The following SEC23A variants were observed in gnomAD, a reference collection of about 807,000 sequenced individuals.
SEC23A encodes protein transport protein Sec23A.
In SEC23A, 56 loss-of-function variants were observed where a neutral mutation model predicts 103.7. The ratio of observed to expected loss-of-function variants is 0.54; its 90% CI spans 0.44 to 0.67. The LOEUF (loss-of-function observed/expected upper bound fraction) is 0.67. Ranked by LOEUF, SEC23A falls within the 30% of genes least tolerant of loss-of-function variation. The pLI is 0.00. For synonymous variants in SEC23A, 281 were observed against 293.0 expected (o/e 0.96, Z 0.42); for missense variants, 784 against 936.4 (o/e 0.84, Z 2.12).
chr14:39,096,111 G>T lies in SEC23A; in HGVS notation c.8C>A (p.Thr3Asn), dbSNP rs774320399. The T allele has an allele frequency of 6.2e-7, 1 of 1,609,400 alleles. No homozygotes were observed. Among genetic ancestry groups the T allele is most frequent in the Non-Finnish European group, 8.5e-7 (1 of 1,175,800 alleles). Residue 3 changes from threonine to asparagine, a missense_variant, in exon 2 of 20, where the codon ACC becomes AAC. This residue lies in a region of SEC23A where 683 missense variants were observed against 774.2 expected (regional missense o/e 0.88). Transcript: ENST00000307712. MT[T>N]YLEFIQQNEE... ...ATTTTGTTGAATGAATTCCAAATAG[G>T]TTGTCATTGTGGAGTTTGATTCTTA...
chr14:39,064,772 GTCTC>G, intron 11 of SEC23A, 137 bp downstream of exon 11: 1 of 722,676 alleles, frequency 1.4e-6, no homozygotes, highest in Non-Finnish European at 2.5e-6. Context: ...GGGGAACAGG[GTCTC>G]TCTATGTTGC....
rs528437400 is a variant in SEC23A, at chr14:39,048,133, T to C, written c.1737+519A>G. On this transcript the variant is annotated intron_variant, in intron 15 of 19. Coordinates refer to ENST00000307712, the MANE Select transcript of SEC23A (RefSeq NM_006364.4). ...TGCAGGGTTCCAGAATAAGTCTCTA[T>C]TCACCACAAATAAATGACTATTTGC... is the stretch of plus-strand genomic sequence containing the variant. 2.6e-5 allele frequency among the ~76,000 whole-genome samples: 4 copies of C among 152,302 alleles called. No homozygotes were observed. In the East Asian group the frequency reaches 7.7e-4, roughly 29 times the overall value.
rs1457689218 is a variant in SEC23A, at chr14:39,076,104, A to G, written c.829-11T>C. ...GTTGGGAAAAGTACACTATTAAAAA[A>G]AAAGTCAAGAGTTTAAAAGAAAACA... On this transcript the variant is annotated splice_polypyrimidine_tract_variant and intron_variant, in intron 7 of 19. Coordinates refer to ENST00000307712, the MANE Select transcript of SEC23A (RefSeq NM_006364.4). 5 of 1,597,068 alleles carry G rather than the reference A, an allele frequency of 3.1e-6. No individual in the cohort carries two copies. The highest frequency in any genetic ancestry group is 2.7e-5 in the African/African-American group (2 of 74,554).
At chr14:39,063,848 C>T (rs1281359103) in intron 11 of SEC23A, among the ~76,000 whole-genome samples, 1 of 151,670 alleles carries the variant, frequency 6.6e-6, no homozygotes, top group African/African-American at 2.4e-5. Flanking sequence ...CACAAAAAAT[C>T]AGCCAGGCAT....
chr14:39,099,385 T>A (rs1038226947), intron 1 of SEC23A, among the ~76,000 whole-genome samples: 1 of 151,926 alleles, frequency 6.6e-6, no homozygotes, highest in Admixed American at 6.6e-5. Flanking sequence ...ATCTCAATTG[T>A]CTGACCTCGT....
chr14:39,064,659 A>G, intron 11 of SEC23A: 1 of 471,966 alleles, frequency 2.1e-6, no homozygotes, highest in East Asian at 4.1e-5. Context: ...CAATCAATAT[A>G]AGAATTTTGA....
At position 39,045,219 on chromosome 14, in the gene SEC23A, A is replaced by G; in HGVS notation, c.1843T>C (p.Ser615Pro). 1.2e-6 allele frequency: 2 copies of G among 1,613,660 alleles called. No homozygotes were observed. The highest frequency in any genetic ancestry group is 1.7e-6 in the Non-Finnish European group (2 of 1,179,744). The change falls in exon 16 of 20, where the codon TCT becomes CCT. Residue 615 changes from serine (S) to proline (P), a missense_variant. Transcript: ENST00000307712. ...AGGATAGGCTGAATCATAATTAGAGACTGGGTCAGATCTTGACGCATAAAA... is the reference window on the plus strand; with the variant it reads ...AGGATAGGCTGAATCATAATTAGAGGCTGGGTCAGATCTTGACGCATAAAA... ...HHFMRQDLTQ[S>P]LIMIQPILYA...
intron 16 of SEC23A, 73 bp from the exon 17 acceptor site, chr14:39,042,945 T>C: frequency 3.1e-6 from 3 of 954,334 alleles, no homozygotes; most frequent in South Asian, 2.9e-5. Context: ...AATAGATGTT[T>C]CCAGGTTATT....
At chr14:39,043,917 G>A (rs1401945756) in intron 16 of SEC23A, among the ~76,000 whole-genome samples, 1 of 152,180 alleles carries the variant, frequency 6.6e-6, no homozygotes, top group Non-Finnish European at 1.5e-5. Context: ...AGAAGACAAT[G>A]TGAGGTGAGA....
At chr14:39,102,524 G>A (rs555206118) in intron 1 of SEC23A, among the ~76,000 whole-genome samples, 3 of 152,348 alleles carry the variant, frequency 2.0e-5, no homozygotes, top group African/African-American at 7.2e-5. Flanking sequence ...AGCCCAGTGA[G>A]ATAGGGCTGG....
At position 39,045,278 on chromosome 14, in the gene SEC23A, T is replaced by C. The variant is rs775163398; in HGVS notation, c.1784A>G (p.Asn595Ser). The change falls in exon 16 of 20, where the codon AAT becomes AGT. Residue 595 changes from asparagine to serine, a missense_variant. Physicochemically the swap from Asn to Ser is conservative, Grantham distance 46 (BLOSUM62 1). Coordinates refer to ENST00000307712, the MANE Select transcript of SEC23A (RefSeq NM_006364.4). ...RRSSFLQVFN[N>S]SPDESSYYRH... The stretch of plus-strand genomic sequence containing the variant: ...ATAATATGAACTCTCATCAGGACTA[T>C]TGTTAAAAACTTGCAGGAAAGAAGA... The C allele has an allele frequency of 1.9e-5, 31 of 1,612,020 alleles. No homozygotes were observed. Among genetic ancestry groups the C allele is most frequent in the Middle Eastern group, 1.6e-4 (1 of 6,078 alleles).
chr14:39,076,597 T>C (rs12883114), intron 7 of SEC23A, among the ~76,000 whole-genome samples: 41,280 of 151,264 alleles, frequency 0.27, 6,614 homozygotes, highest in Non-Finnish European at 0.35. Flanking sequence ...GTTTTACTTT[T>C]GTTTTTGATG....
In SEC23A at chr14:39,056,622, C is replaced by T. The variant is rs143738382; in HGVS notation, c.1506-1326G>A. 8.7e-3 allele frequency among the ~76,000 whole-genome samples: 1,323 copies of T among 151,792 alleles called. 10 individuals are homozygous for T. The highest frequency in any genetic ancestry group is 0.014 in the Admixed American group (207 of 15,250). ...CCTGAGTAGCCAGAACTACAGGCTCCGGCTAACTTTTTTGTATTTTAGTAG... is the reference window on the plus strand; with the variant it reads ...CCTGAGTAGCCAGAACTACAGGCTCTGGCTAACTTTTTTGTATTTTAGTAG... On this transcript the variant is annotated intron_variant, in intron 13 of 19. Coordinates refer to ENST00000307712, the MANE Select transcript of SEC23A (RefSeq NM_006364.4).
intron 16 of SEC23A, among the ~76,000 whole-genome samples, chr14:39,043,768 A>G (rs1036226145): frequency 6.6e-6 from 1 of 152,224 alleles, no homozygotes; most frequent in Admixed American, 6.5e-5. Context: ...GCCTAGGGCA[A>G]AAGGTTTTCA....
chr14:39,097,485 A>C (rs2139301415), intron 1 of SEC23A, among the ~76,000 whole-genome samples: 1 of 152,342 alleles, frequency 6.6e-6, no homozygotes, highest in East Asian at 1.9e-4. Flanking sequence ...TAAGTGAAGA[A>C]AGAAGAGATA....
chr14:39,059,297 A>ACC (rs778012431), intron 13 of SEC23A, among the ~76,000 whole-genome samples: 1 of 119,780 alleles, frequency 8.3e-6, no homozygotes, highest in Admixed American at 7.9e-5. Flanking sequence ...AAAAAAAAAA[A>ACC]AAAAAAAAAA....
At chr14:39,039,480 A>G in intron 18 of SEC23A, 1 of 214,102 alleles carries the variant, frequency 4.7e-6, no homozygotes, top group South Asian at 7.7e-5. Flanking sequence ...TTTGCTTAAA[A>G]TAATGACCCT....
chr14:39,078,589 G>C lies in SEC23A; in HGVS notation c.829-2496C>G, dbSNP rs564791735. ...AAAGCAGGCCATCTGCCTGGAGAAG[G>C]GTCTTTGCATGAAAATTAGAGGCTG... is the stretch of plus-strand genomic sequence containing the variant. On this transcript the variant is annotated intron_variant, in intron 7 of 19. Coordinates refer to ENST00000307712, the MANE Select transcript of SEC23A (RefSeq NM_006364.4). Among the ~76,000 whole-genome samples, 8 of 152,254 alleles carry C rather than the reference G, an allele frequency of 5.3e-5. No homozygotes were observed. The South Asian group carries it at 8.3e-4, about 16-fold the overall frequency.
intron 4 of SEC23A, 77 bp downstream of exon 4, chr14:39,092,464 T>A: frequency 1.1e-6 from 1 of 895,258 alleles, no homozygotes; most frequent in South Asian, 1.5e-5. Context: ...CATGATTCCT[T>A]CTAAATCATC....
Sources: gnomAD v4.1 joint callset for allele counts (sites outside exome capture counted in the v4.1 genomes callset) on GRCh38, gnomAD v4.1.1 for gene constraint, gnomAD v4.1.1 regional missense constraint, MANE v1.5 for transcripts, NCBI Gene and HGNC (gene_info 2026-07-23, HGNC 2026-07-21) for gene names.